Variants in PSG1 observed in about 807,000 individuals in gnomAD.
PSG1 encodes the protein pregnancy-specific beta-1-glycoprotein 1.
In PSG1, 60 loss-of-function variants were observed where a neutral mutation model predicts 41.4. That is an observed-to-expected ratio of 1.45 (90% CI 1.18 to 1.80). The LOEUF (loss-of-function observed/expected upper bound fraction) is 1.80. PSG1 is among the 40% of genes most tolerant of loss of function. The pLI is 0.00. For synonymous variants in PSG1, 256 were observed against 192.9 expected (o/e 1.33, Z -2.71); for missense variants, 806 against 516.9 (o/e 1.56, Z -5.42).
At position 42,871,652 on chromosome 19, in the gene PSG1, G is replaced by T. The variant is rs190212999; in HGVS notation, c.709+115C>A. 2.5e-5 allele frequency: 41 copies of T among 1,608,734 alleles called. 1 individual carries two copies. The East Asian group carries it at 9.2e-4, about 36-fold the overall frequency. ...GGGGCACAAAGTCATGGCCAGGTTT[G>T]ATGTCCAGGGGTAAAGGTCTCTGTA... On this transcript the variant is annotated intron_variant, in intron 3 of 5. Transcript: ENST00000436291.
At chr19:42,868,001 G>A in intron 5 of PSG1, 100 bp downstream of exon 5, 3 of 1,608,032 alleles carry the variant, frequency 1.9e-6, no homozygotes, top group Non-Finnish European at 1.7e-6. Context: ...TGTGCCCATG[G>A]GACACAGGCT....
In PSG1 at chr19:42,870,157, G is replaced by C. The variant is rs890237348; in HGVS notation, c.710-1123C>G. The C allele has an allele frequency of 5.3e-5, 8 of 151,916 alleles. 1 individual carries two copies. Among genetic ancestry groups the C allele is most frequent in the Middle Eastern group, 6.8e-3 (2 of 294 alleles). 9.4% of individuals were successfully genotyped at this position (151,916 alleles called of 1,614,324 possible). On this transcript the variant is annotated intron_variant, in intron 3 of 5. Coordinates refer to ENST00000436291, the MANE Select transcript of PSG1 (RefSeq NM_001184825.2). ...GGTGGGGAGGTTCTAGAGAACTGCT[G>C]TAGAGCTTGATGCCTATAGTTCACA...
chr19:42,877,570 C>T (rs1971662593), intron 2 of PSG1, among the ~76,000 whole-genome samples: 1 of 151,752 alleles, frequency 6.6e-6, no homozygotes, highest in South Asian at 2.1e-4. Context: ...CTCAGGGGGC[C>T]CCTCAGGCCA....
At chr19:42,873,209 A>G (rs573365720) in intron 2 of PSG1, among the ~76,000 whole-genome samples, 1 of 151,888 alleles carries the variant, frequency 6.6e-6, no homozygotes, top group African/African-American at 2.4e-5. Context: ...CCTTATGCAG[A>G]AAGCTTGAAA....
intron 4 of PSG1, among the ~76,000 whole-genome samples, 159 bp from the exon 5 acceptor site, chr19:42,868,514 C>A (rs1329417545): frequency 1.3e-5 from 2 of 151,466 alleles, no homozygotes; most frequent in African/African-American, 4.9e-5. Flanking sequence ...AGGTATTCCC[C>A]TGTTTCTCCC....
At chr19:42,876,980 G>C (rs1160593684) in intron 2 of PSG1, among the ~76,000 whole-genome samples, 2 of 151,546 alleles carry the variant, frequency 1.3e-5, no homozygotes, top group East Asian at 3.9e-4. Context: ...CTCAGTCACT[G>C]TGCCTTCCTG....
At chr19:42,879,401 C>T in intron 1 of PSG1, 117 bp downstream of exon 1, 1 of 1,473,954 alleles carries the variant, frequency 6.8e-7, no homozygotes. Flanking sequence ...ATCCACCCAC[C>T]TCAGACTCCC....
intron 2 of PSG1, among the ~76,000 whole-genome samples, chr19:42,872,879 G>C (rs1375533171): frequency 2.0e-5 from 3 of 151,834 alleles, no homozygotes; most frequent in Non-Finnish European, 4.4e-5. Flanking sequence ...TGGAAAGGGC[G>C]ATCATGAACT....
rs144216131 is a variant in PSG1 at position 42,871,766 on chromosome 19, C to A, written c.709+1G>T. ...CTCACAGAGGAACAGAAGATACTCA[C>A]GGAGGAGATTCAGGGTGACTGGGTC... On this transcript the variant is annotated splice_donor_variant, in intron 3 of 5. Transcript: ENST00000436291. LOFTEE classifies it high-confidence loss of function. 8 of 1,612,508 alleles carry A rather than the reference C, an allele frequency of 5.0e-6. No individual in the cohort carries two copies. Among genetic ancestry groups the A allele is most frequent in the South Asian group, 1.1e-5 (1 of 90,834 alleles).
chr19:42,866,949 G>C lies in PSG1; in HGVS notation c.*185C>G. 1.3e-6 allele frequency: 1 copy of C among 742,642 alleles called. No homozygotes were observed. Among genetic ancestry groups the C allele is most frequent in the South Asian group, 1.4e-5 (1 of 71,784 alleles). The allele number at this position is 742,642 out of a possible 1,614,324, so 46.0% of individuals were successfully genotyped here. ...CTTGTTGTCCTGGTTTACAGTTTGA[G>C]CATCTGTTGTTATGGTGTCGAATAT... is the stretch of plus-strand genomic sequence containing the variant. On this transcript the variant is annotated 3_prime_UTR_variant, in exon 6 of 6. Transcript: ENST00000436291.
intron 5 of PSG1, chr19:42,867,806 C>T (rs7248182): frequency 0.14 from 172,302 of 1,205,710 alleles, 14,865 homozygotes; most frequent in Admixed American, 0.2. Context: ...TTTAAAGAAT[C>T]AGCAAATTTT....
chr19:42,873,988 C>T (rs1252854371), intron 2 of PSG1: 1 of 151,458 alleles, frequency 6.6e-6, no homozygotes, highest in African/African-American at 2.4e-5. Context: ...CGAAGATCTC[C>T]AACTTATGAA....
chr19:42,869,348 G>C (rs1018161003), intron 3 of PSG1: 3 of 490,438 alleles, frequency 6.1e-6, no homozygotes, highest in Non-Finnish European at 1.0e-5. Flanking sequence ...TCAGTTGACT[G>C]GCTGGCTCAC....
chr19:42,877,776 C>A, intron 2 of PSG1, 137 bp downstream of exon 2: 2 of 1,544,360 alleles, frequency 1.3e-6, no homozygotes, highest in Non-Finnish European at 1.8e-6. Context: ...GTGTGTCCTG[C>A]ACTAAATGCC....
intron 3 of PSG1, chr19:42,869,428 G>T (rs909444893): frequency 2.5e-5 from 7 of 274,804 alleles, no homozygotes; most frequent in Non-Finnish European, 3.4e-5. Context: ...TGTCCCCCTA[G>T]ATGTGATTTC....
Position 42,878,504 on chromosome 19 carries a change from A to T in PSG1, c.65-226T>A, listed in dbSNP as rs898354869. On this transcript the variant is annotated intron_variant, in intron 1 of 5. Transcript: ENST00000436291. Reference sequence around the variant, plus strand: ...CTACTAGGTCAAGGTCAGCAGCATGACGCCCATTCCTTCAACACTTCTGAC... The same window carrying T: ...CTACTAGGTCAAGGTCAGCAGCATGTCGCCCATTCCTTCAACACTTCTGAC... 5 of 747,946 alleles carry T rather than the reference A, an allele frequency of 6.7e-6. No homozygotes were observed. The African/African-American group carries it at 9.6e-5, about 14-fold the overall frequency. The allele number at this position is 747,946 out of a possible 1,614,324, so 46.3% of individuals were successfully genotyped here. A position where few individuals can be genotyped will look rare whatever the true frequency, so the allele number is the denominator to read the frequency against.
At chr19:42,871,657 C>A in intron 3 of PSG1, 110 bp downstream of exon 3, 5 of 1,609,744 alleles carry the variant, frequency 3.1e-6, no homozygotes, top group Non-Finnish European at 4.2e-6. Flanking sequence ...GGTTTGATGT[C>A]CAGGGGTAAA....
intron 2 of PSG1, among the ~76,000 whole-genome samples, chr19:42,876,224 C>A (rs1257239369): frequency 3.3e-5 from 5 of 151,332 alleles, no homozygotes; most frequent in Non-Finnish European, 3.0e-5. Context: ...CACAGAGAAG[C>A]AGAGAGAGGC....
At position 42,879,599 on chromosome 19, in the gene PSG1, T is replaced by G. The variant is rs1206347879; in HGVS notation, c.-18A>C. 1.4e-5 allele frequency: 22 copies of G among 1,609,274 alleles called. No homozygotes were observed. Among genetic ancestry groups the G allele is most frequent in the Non-Finnish European group, 1.8e-5 (21 of 1,177,552 alleles). On this transcript the variant is annotated 5_prime_UTR_variant, in exon 1 of 6. Transcript: ENST00000436291. ...GTTCCCATGGTCTCTGCTGCTTGTGTGTTCTCCTCTGTGGAGATAAGCCTA... is the reference window on the plus strand; with the variant it reads ...GTTCCCATGGTCTCTGCTGCTTGTGGGTTCTCCTCTGTGGAGATAAGCCTA...
Sources: gnomAD v4.1 joint callset for allele counts (sites outside exome capture counted in the v4.1 genomes callset) on GRCh38, gnomAD v4.1.1 for gene constraint, MANE v1.5 for transcripts, NCBI Gene and HGNC (gene_info 2026-07-23, HGNC 2026-07-21) for gene names.